PRKDC: variants seen among roughly 807,000 people sequenced by gnomAD.
PRKDC encodes DNA-dependent protein kinase catalytic subunit.
Under a neutral mutation model 486.9 loss-of-function variants are expected in PRKDC, and 82 were observed. The observed-to-expected ratio is 0.17, with a 90% CI of 0.14 to 0.20. The LOEUF is 0.20. Among genes scored for constraint, PRKDC ranks in the 10% least tolerant of loss-of-function variants. The pLI is 1.00. For missense variants in PRKDC, 4,504 were observed against 5,038.2 expected (o/e 0.89, Z 3.21); for synonymous variants, 1,895 against 1,837.0 (o/e 1.03, Z -0.81).
Position 47,883,395 on chromosome 8 carries a change from G to A in PRKDC, c.4777-1298C>T, listed in dbSNP as rs548350361. 3.3e-5 allele frequency among the ~76,000 whole-genome samples: 5 copies of A among 152,222 alleles called. No homozygotes were observed. In the South Asian group the frequency reaches 8.3e-4, roughly 25 times the overall value. The stretch of plus-strand genomic sequence containing the variant: ...TGAATTCTCAAGAAATGTGCTCCAC[G>A]TGGAGCTGTTTCTGTGCACCATGCT... On this transcript the variant is annotated intron_variant, in intron 36 of 85. Transcript: ENST00000314191.
intron 66 of PRKDC, among the ~76,000 whole-genome samples, chr8:47,820,518 G>C (rs1048170713): frequency 5.3e-5 from 8 of 151,862 alleles, no homozygotes; most frequent in African/African-American, 1.9e-4. Flanking sequence ...ATAAAGGACA[G>C]AATGAACAGC....
At chr8:47,925,519 C>T (rs959557900) in intron 21 of PRKDC, among the ~76,000 whole-genome samples, 2 of 152,180 alleles carry the variant, frequency 1.3e-5, no homozygotes, top group Non-Finnish European at 1.5e-5. Context: ...TGATCCTACA[C>T]TGAATTCTAA....
At chr8:47,944,843 G>A (rs1045260674) in intron 7 of PRKDC, among the ~76,000 whole-genome samples, 2 of 152,190 alleles carry the variant, frequency 1.3e-5, no homozygotes, top group African/African-American at 4.8e-5. Flanking sequence ...GTGATAGGAG[G>A]TGGAGAGAGA....
At chr8:47,881,823 C>T (rs941480199) in intron 37 of PRKDC, 89 bp downstream of exon 37, 1 of 1,183,346 alleles carries the variant, frequency 8.5e-7, no homozygotes, top group Non-Finnish European at 1.2e-6. Context: ...AACCAATGAG[C>T]TTTTGGAGCA....
At chr8:47,803,596 C>G in intron 69 of PRKDC, 116 bp from the exon 70 acceptor site, 1 of 878,504 alleles carries the variant, frequency 1.1e-6, no homozygotes, top group Non-Finnish European at 1.8e-6. Context: ...GTAGCGAATC[C>G]ATTTCTTTAG....
chr8:47,872,542 A>G (rs1441805749), intron 40 of PRKDC, among the ~76,000 whole-genome samples: 1 of 152,132 alleles, frequency 6.6e-6, no homozygotes, highest in African/African-American at 2.4e-5. Flanking sequence ...CCTGCAAGAA[A>G]CACACTTCAC....
At chr8:47,809,891 G>T (rs1402544661) in intron 68 of PRKDC, among the ~76,000 whole-genome samples, 1 of 152,190 alleles carries the variant, frequency 6.6e-6, no homozygotes, top group Admixed American at 6.5e-5. Context: ...CCTGTGGAGT[G>T]TGGTGGCAAT....
intron 25 of PRKDC, among the ~76,000 whole-genome samples, chr8:47,907,153 G>A (rs1421448385): frequency 6.6e-6 from 1 of 150,946 alleles, no homozygotes; most frequent in African/African-American, 2.4e-5. Context: ...CCATTCTCCT[G>A]CCTCAGCCTC....
intron 1 of PRKDC, among the ~76,000 whole-genome samples, chr8:47,958,884 C>T (rs552660247): frequency 6.6e-6 from 1 of 151,980 alleles, no homozygotes; most frequent in Non-Finnish European, 1.5e-5. Flanking sequence ...TACAGGCGCT[C>T]GCCACCATGC....
chr8:47,939,460 G>T, intron 11 of PRKDC, 91 bp downstream of exon 11: 1 of 1,409,312 alleles, frequency 7.1e-7, no homozygotes, highest in Non-Finnish European at 9.9e-7. Flanking sequence ...ATTGTTACAA[G>T]TATTAGACAC....
intron 55 of PRKDC, 80 bp from the exon 56 acceptor site, chr8:47,839,326 G>T: frequency 1.0e-6 from 1 of 974,704 alleles, no homozygotes; most frequent in South Asian, 1.4e-5. Context: ...ACACCATCTA[G>T]AATTCAATTT....
intron 29 of PRKDC, 57 bp from the exon 30 acceptor site, chr8:47,897,351 C>A (rs546877559): frequency 1.4e-6 from 2 of 1,464,396 alleles, no homozygotes; most frequent in East Asian, 2.3e-5. Context: ...CATTCAGCTA[C>A]CAAGGCTCTA....
chr8:47,864,821 G>C, intron 40 of PRKDC, 58 bp from the exon 41 acceptor site: 1 of 1,398,324 alleles, frequency 7.2e-7, no homozygotes, highest in Non-Finnish European at 9.6e-7. Context: ...AACTTTATGA[G>C]TGCCTACTAC....
rs973566532 is a variant in PRKDC at position 47,823,972 on chromosome 8, G to A, written c.8808C>T (p.Tyr2936=). Residue 2936 remains tyrosine (Y), a synonymous_variant, in exon 64 of 86, where the codon TAC becomes TAT. Coordinates refer to ENST00000314191, the MANE Select transcript of PRKDC (RefSeq NM_006904.7). ...TGGTAAAAATCCCACGGAGGACGTC[G>A]TATTCTCCAATTGATCTATACAGCC... ...LAKLYRSIGE[Y]DVLRGIFTSE... 13 of 1,612,282 alleles carry A rather than the reference G, an allele frequency of 8.1e-6. No individual in the cohort carries two copies. Among genetic ancestry groups the A allele is most frequent in the African/African-American group, 4.0e-5 (3 of 74,846 alleles).
rs949114888 is a variant in PRKDC, at chr8:47,955,868, A to C, written c.399+6T>G. 1.3e-6 allele frequency: 2 copies of C among 1,565,988 alleles called. No homozygotes were observed. Among genetic ancestry groups the C allele is most frequent in the Admixed American group, 3.6e-5 (2 of 56,314 alleles). On this transcript the variant is annotated splice_donor_region_variant and intron_variant, in intron 4 of 85. Transcript: ENST00000314191. ...GTAAAATACGTGTACTTAGAAACAT[A>C]ATTACCTTAATAAGAAGGTCCAGGG...
chr8:47,877,855 G>GA lies in PRKDC; in HGVS notation c.5236-5dup, dbSNP rs770927029. On this transcript the variant is annotated splice_region_variant and splice_polypyrimidine_tract_variant and intron_variant, in intron 39 of 85. Coordinates refer to ENST00000314191, the MANE Select transcript of PRKDC (RefSeq NM_006904.7). The stretch of plus-strand genomic sequence containing the variant: ...ATAATTCCAATGCATCTAGAAACTA[G>GA]AAAAAATACATCAACATCATTAAAA... The GA allele has an allele frequency of 1.2e-5, 18 of 1,462,506 alleles. No individual in the cohort carries two copies. The highest frequency in any genetic ancestry group is 3.4e-5 in the South Asian group (2 of 58,810). The allele number at this position is 1,462,506 out of a possible 1,614,324, so 90.6% of individuals were successfully genotyped here.
intron 76 of PRKDC, 36 bp from the exon 77 acceptor site, chr8:47,785,353 T>A: frequency 6.7e-7 from 1 of 1,483,624 alleles, no homozygotes; most frequent in Admixed American, 2.0e-5. Flanking sequence ...AAGACTGATG[T>A]TTAGTTTGGA....
intron 16 of PRKDC, among the ~76,000 whole-genome samples, chr8:47,931,349 T>C (rs1446514045): frequency 6.6e-6 from 1 of 152,030 alleles, no homozygotes; most frequent in East Asian, 1.9e-4. Flanking sequence ...TGGGAAGTGC[T>C]AACAGGTGGT....
chr8:47,851,808 AGTGTCCTCAGGGT>A (rs1234219670), intron 52 of PRKDC, among the ~76,000 whole-genome samples: 9 of 152,180 alleles, frequency 5.9e-5, no homozygotes, highest in Non-Finnish European at 1.5e-5. Context: ...GGGAGCCAAG[AGTGTCCTCAGGGT>A]GTGACCAGCT....
Sources: allele counts gnomAD v4.1 joint callset (sites outside exome capture counted in the v4.1 genomes callset), GRCh38; gene constraint gnomAD v4.1.1; transcripts MANE v1.5; gene names NCBI Gene and HGNC (gene_info 2026-07-23, HGNC 2026-07-21).